Variants in ADD2 observed in about 807,000 individuals in gnomAD.
ADD2 encodes the protein adducin 2.
Under a neutral mutation model 83.0 loss-of-function variants are expected in ADD2, and 23 were observed. That is an observed-to-expected ratio of 0.28 (90% CI 0.20 to 0.39). The LOEUF (loss-of-function observed/expected upper bound fraction) is 0.39, where lower values mean the gene tolerates loss of function less well. ADD2 is among the 10% of genes least tolerant of loss of function. ADD2 has a pLI of 1.00. For missense variants in ADD2, 758 were observed against 944.9 expected (o/e 0.80, Z 2.59); for synonymous variants, 375 against 375.4 (o/e 1.00, Z 0.01).
chr2:70,680,221 A>T (rs1553369311), intron 10 of ADD2, among the ~76,000 whole-genome samples: 1 of 152,148 alleles, frequency 6.6e-6, no homozygotes, highest in Non-Finnish European at 1.5e-5. Flanking sequence ...CCAGGAATTT[A>T]TCTTGTTGAA....
chr2:70,695,889 T>A (rs1314187840), intron 5 of ADD2, 88 bp from the exon 6 acceptor site: 4 of 1,142,978 alleles, frequency 3.5e-6, no homozygotes, highest in African/African-American at 1.5e-5. Flanking sequence ...TTCCCCTGAA[T>A]CTACTGCACC....
chr2:70,663,688 C>T lies in ADD2; in HGVS notation c.1918G>A (p.Glu640Lys), dbSNP rs781794877. 57 of 1,613,994 alleles carry T rather than the reference C, an allele frequency of 3.5e-5. 1 individual carries two copies. The Middle Eastern group carries it at 1.5e-3, about 42-fold the overall frequency. The part of the protein sequence containing the change: ...ETSKAATTEP[E>K]TTQPEGVVVN... Reference sequence around the variant, plus strand: ...ACCACCCCTTCCGGCTGGGTTGTTTCGGGCTCTGTGGTGGCGGCTTTGCTT... The same window carrying T: ...ACCACCCCTTCCGGCTGGGTTGTTTTGGGCTCTGTGGTGGCGGCTTTGCTT... The change falls in exon 16 of 16, where the codon GAA becomes AAA. Residue 640 changes from glutamate (E) to lysine (K), a missense_variant. Coordinates refer to ENST00000264436, the MANE Select transcript of ADD2 (RefSeq NM_001617.4).
chr2:70,767,916 C>G lies in ADD2; in HGVS notation c.-184G>C, dbSNP rs1675492326. 1.3e-6 allele frequency: 2 copies of G among 1,535,840 alleles called. No homozygotes were observed. On this transcript the variant is annotated 5_prime_UTR_variant, in exon 1 of 16. Transcript: ENST00000264436. ...GCGCGGCATCTTAGCTATCTCCGGT[C>G]GGCCACTGCGGGTTGGTTTTGTTAT...
chr2:70,728,555 T>G (rs782036607), intron 1 of ADD2, among the ~76,000 whole-genome samples: 1 of 152,234 alleles, frequency 6.6e-6, no homozygotes, highest in African/African-American at 2.4e-5. Context: ...AGGTATTGAT[T>G]GAAGACACTC....
intron 1 of ADD2, among the ~76,000 whole-genome samples, chr2:70,737,466 A>G (rs1673633384): frequency 6.6e-6 from 1 of 151,580 alleles, no homozygotes; most frequent in Non-Finnish European, 1.5e-5. Context: ...TCAGCAGACT[A>G]TCGCAAGGAC....
intron 7 of ADD2, 76 bp downstream of exon 7, chr2:70,692,327 G>T: frequency 7.0e-7 from 1 of 1,433,610 alleles, no homozygotes; most frequent in Non-Finnish European, 9.2e-7. Context: ...TTTCCAGACT[G>T]TTTTAAGTGA....
chr2:70,707,586 C>G (rs1671967997), intron 2 of ADD2, among the ~76,000 whole-genome samples: 2 of 152,186 alleles, frequency 1.3e-5, no homozygotes, highest in Admixed American at 1.3e-4. Context: ...TTTCCTGTGT[C>G]GGCACTGCAA....
At chr2:70,724,933 C>G (rs577620552) in intron 1 of ADD2, among the ~76,000 whole-genome samples, 1 of 152,338 alleles carries the variant, frequency 6.6e-6, no homozygotes, top group East Asian at 1.9e-4. Flanking sequence ...AACAAAGGCC[C>G]CTGATGCCAT....
chr2:70,678,861 A>G lies in ADD2; in HGVS notation c.1226T>C (p.Phe409Ser). 4 of 1,614,164 alleles carry G rather than the reference A, an allele frequency of 2.5e-6. No individual in the cohort carries two copies. Among genetic ancestry groups the G allele is most frequent in the Non-Finnish European group, 3.4e-6 (4 of 1,180,028 alleles). ...GGGCACCGGGGCACCGTCCTCCTCA[A>G]ACACGAAGGCTGTGACCGTGGCTGG... is the stretch of plus-strand genomic sequence containing the variant. Reference protein sequence around the residue: ...EIPATVTAFVFEEDGAPVPAL... With the variant: ...EIPATVTAFVSEEDGAPVPAL... Residue 409 changes from phenylalanine (F) to serine (S), a missense_variant, in exon 11 of 16, where the codon TTT becomes TCT. Coordinates refer to ENST00000264436, the MANE Select transcript of ADD2 (RefSeq NM_001617.4).
At position 70,690,383 on chromosome 2, in the gene ADD2, C is replaced by A. The variant is rs534296554; in HGVS notation, c.849+403G>T. On this transcript the variant is annotated intron_variant, in intron 8 of 15. Coordinates refer to ENST00000264436, the MANE Select transcript of ADD2 (RefSeq NM_001617.4). ...AAGTGTTGGGATTACGGGCATGAGC[C>A]CTGCACCCAGCTGAAAAATACCTTT... 3.3e-5 allele frequency among the ~76,000 whole-genome samples: 5 copies of A among 152,256 alleles called. No homozygotes were observed. The South Asian group carries it at 1.0e-3, about 32-fold the overall frequency.
intron 1 of ADD2, among the ~76,000 whole-genome samples, chr2:70,725,095 T>A (rs1374880718): frequency 6.6e-6 from 1 of 152,224 alleles, no homozygotes; most frequent in South Asian, 2.1e-4. Flanking sequence ...CTGCGAGGGT[T>A]ACCGAACCAC....
intron 1 of ADD2, among the ~76,000 whole-genome samples, chr2:70,748,093 G>C (rs1674322986): frequency 6.6e-6 from 1 of 151,966 alleles, no homozygotes; most frequent in Non-Finnish European, 1.5e-5. Context: ...CAAAAAAAGA[G>C]CTTGTGGTCA....
rs965353301 is a variant in ADD2, at chr2:70,747,878, A to T, written c.-154+20008T>A. On this transcript the variant is annotated intron_variant, in intron 1 of 15. Coordinates refer to ENST00000264436, the MANE Select transcript of ADD2 (RefSeq NM_001617.4). ...CAATGGGATTAAAATTTGAAATTCA[A>T]TTGTTTTTTGTATAGTAGGTCAACA... Among the ~76,000 whole-genome samples the T allele has an allele frequency of 2.0e-5, 3 of 152,220 alleles. No individual in the cohort carries two copies. In the East Asian group the frequency reaches 5.8e-4, roughly 29 times the overall value.
chr2:70,707,870 G>T (rs1671984215), intron 2 of ADD2, among the ~76,000 whole-genome samples: 1 of 152,212 alleles, frequency 6.6e-6, no homozygotes, highest in Non-Finnish European at 1.5e-5. Flanking sequence ...TGTTCTTTGG[G>T]AGAAGACTCC....
At chr2:70,723,421 T>C (rs1672830375) in intron 1 of ADD2, among the ~76,000 whole-genome samples, 1 of 152,120 alleles carries the variant, frequency 6.6e-6, no homozygotes, top group South Asian at 2.1e-4. Flanking sequence ...CAGTCTGGAT[T>C]CTATCTAGTC....
Position 70,662,682 on chromosome 2 carries a change from C to T in ADD2, c.*743G>A, listed in dbSNP as rs1182661740. 6.6e-6 allele frequency: 1 copy of T among 152,204 alleles called. No individual in the cohort carries two copies. The highest frequency in any genetic ancestry group is 1.9e-4 in the East Asian group (1 of 5,198). 9.4% of individuals were successfully genotyped at this position (152,204 alleles called of 1,614,324 possible). On this transcript the variant is annotated 3_prime_UTR_variant, in exon 16 of 16. Coordinates refer to ENST00000264436, the MANE Select transcript of ADD2 (RefSeq NM_001617.4). ...TTTTAGTTTTGAAGTGCCTGAGATG[C>T]ACAATTCAAAGGGGTCAAGTTCCTG... is the stretch of plus-strand genomic sequence containing the variant.
In ADD2 at chr2:70,676,614, C is replaced by G; in HGVS notation, c.1593+182G>C. On this transcript the variant is annotated intron_variant, in intron 13 of 15. Transcript: ENST00000264436. This position sits in a 1 kb window ranked among gnomAD's most constrained non-coding sequence, Gnocchi z 4.8. ...CCCACAGGGGCCATCAGACATTGTC[C>G]TCCCTGGTCCTCACAGCACCCCTGT... 6.9e-7 allele frequency: 1 copy of G among 1,444,542 alleles called. No homozygotes were observed. Among genetic ancestry groups the G allele is most frequent in the Non-Finnish European group, 9.1e-7 (1 of 1,092,898 alleles). 89.5% of individuals were successfully genotyped at this position (1,444,542 alleles called of 1,614,324 possible).
chr2:70,720,999 A>G (rs1316547534), intron 1 of ADD2, among the ~76,000 whole-genome samples: 1 of 152,234 alleles, frequency 6.6e-6, no homozygotes, highest in African/African-American at 2.4e-5. Context: ...AGTCACTGCA[A>G]GCAGCCCACT....
chr2:70,666,282 T>C (rs1211626436), intron 15 of ADD2, among the ~76,000 whole-genome samples: 3 of 152,204 alleles, frequency 2.0e-5, no homozygotes, highest in Non-Finnish European at 4.4e-5. Flanking sequence ...GTGAATGGAT[T>C]TATTCTAACC....
Sources: allele counts gnomAD v4.1 joint callset (sites outside exome capture counted in the v4.1 genomes callset), GRCh38; gene constraint gnomAD v4.1.1; non-coding constraint Gnocchi (gnomAD v3.1); transcripts MANE v1.5; gene names NCBI Gene and HGNC (gene_info 2026-07-23, HGNC 2026-07-21).